Variants in MYO3B observed in about 807,000 individuals in gnomAD.
MYO3B encodes the protein myosin IIIB.
In MYO3B, 156 loss-of-function variants were observed where a neutral mutation model predicts 174.6. The ratio of observed to expected loss-of-function variants is 0.89; its 90% CI spans 0.78 to 1.02. The LOEUF is 1.02. Among genes scored for constraint, MYO3B ranks in the 50% least tolerant of loss-of-function variants. MYO3B has a pLI of 0.00. For synonymous variants in MYO3B, 563 were observed against 569.1 expected (o/e 0.99, Z 0.15); for missense variants, 1,632 against 1,639.4 (o/e 1.00, Z 0.08).
intron 8 of MYO3B, among the ~76,000 whole-genome samples, chr2:170,339,177 T>G (rs939652341): frequency 6.6e-6 from 1 of 152,220 alleles, no homozygotes; most frequent in Non-Finnish European, 1.5e-5. Context: ...TTGGAGGGAC[T>G]GGGCTGGAGA....
chr2:170,379,268 C>G (rs1415515410), intron 9 of MYO3B, among the ~76,000 whole-genome samples: 1 of 148,970 alleles, frequency 6.7e-6, no homozygotes, highest in African/African-American at 2.5e-5. Context: ...GATCTCGGCT[C>G]ACTGCAACCT....
intron 7 of MYO3B, among the ~76,000 whole-genome samples, chr2:170,316,566 T>C (rs959986730): frequency 6.6e-6 from 1 of 152,228 alleles, no homozygotes; most frequent in African/African-American, 2.4e-5. Flanking sequence ...ATTTTGGCAG[T>C]TTATTGCCTT....
intron 6 of MYO3B, among the ~76,000 whole-genome samples, chr2:170,218,939 C>T (rs1422600846): frequency 6.6e-6 from 1 of 152,116 alleles, no homozygotes; most frequent in Non-Finnish European, 1.5e-5. Flanking sequence ...ATATTCCAGC[C>T]CCTATCTATC....
intron 22 of MYO3B, among the ~76,000 whole-genome samples, chr2:170,442,869 A>G (rs1206466434): frequency 1.3e-5 from 2 of 152,184 alleles, no homozygotes; most frequent in South Asian, 2.1e-4. Flanking sequence ...TCCACGGTGT[A>G]TATGTGCCAC....
At chr2:170,275,622 T>C (rs1351146413) in intron 7 of MYO3B, among the ~76,000 whole-genome samples, 1 of 152,184 alleles carries the variant, frequency 6.6e-6, no homozygotes, top group Non-Finnish European at 1.5e-5. Context: ...GGAAGACTCA[T>C]TGTCAGAGCA....
At chr2:170,355,610 C>T (rs2094114246) in intron 8 of MYO3B, among the ~76,000 whole-genome samples, 1 of 152,222 alleles carries the variant, frequency 6.6e-6, no homozygotes, top group Non-Finnish European at 1.5e-5. Flanking sequence ...CAGTCTTATT[C>T]CTGCCCTTCC....
chr2:170,605,065 A>G (rs899803637), intron 32 of MYO3B, among the ~76,000 whole-genome samples: 6 of 152,132 alleles, frequency 3.9e-5, no homozygotes, highest in African/African-American at 1.4e-4. Flanking sequence ...TTTGGGTCCT[A>G]CCGCTCTCCT....
At chr2:170,575,436 G>GT (rs1257875786) in intron 32 of MYO3B, among the ~76,000 whole-genome samples, 1 of 152,016 alleles carries the variant, frequency 6.6e-6, no homozygotes. Context: ...CCATTGTAGG[G>GT]TAAAAAAAGC....
chr2:170,521,690 T>A (rs79668905), intron 30 of MYO3B, among the ~76,000 whole-genome samples: 2,942 of 152,162 alleles, frequency 0.019, 99 homozygotes, highest in African/African-American at 0.067. Context: ...CACTCTGCTA[T>A]CACTTTCCAT....
intron 25 of MYO3B, among the ~76,000 whole-genome samples, chr2:170,477,236 C>T (rs1685372636): frequency 6.6e-6 from 1 of 152,168 alleles, no homozygotes; most frequent in African/African-American, 2.4e-5. Flanking sequence ...AAAGCCTCTT[C>T]CTCTGGTGGT....
intron 7 of MYO3B, among the ~76,000 whole-genome samples, chr2:170,254,342 C>T (rs2093284433): frequency 6.6e-6 from 1 of 152,158 alleles, no homozygotes; most frequent in Admixed American, 6.5e-5. Flanking sequence ...AGACGCCCAC[C>T]CGCAAAGGCT....
Position 170,363,677 on chromosome 2 carries a change from A to C in MYO3B, c.816-5545A>C, listed in dbSNP as rs1388955280. Reference sequence around the variant, plus strand: ...ATCTTCAGCCAAGAAAGCATGATGGAAGGTACTAGAATTTCAAATTAGATA... The same window carrying C: ...ATCTTCAGCCAAGAAAGCATGATGGCAGGTACTAGAATTTCAAATTAGATA... On this transcript the variant is annotated intron_variant, in intron 8 of 34. Transcript: ENST00000408978. 4.6e-5 allele frequency among the ~76,000 whole-genome samples: 7 copies of C among 152,288 alleles called. No homozygotes were observed. The East Asian group carries it at 7.7e-4, about 17-fold the overall frequency.
intron 32 of MYO3B, among the ~76,000 whole-genome samples, chr2:170,630,310 C>A (rs189917863): frequency 6.6e-6 from 1 of 150,530 alleles, no homozygotes; most frequent in South Asian, 2.1e-4. Flanking sequence ...ATTGCTAGTC[C>A]GAGATCAAAT....
At chr2:170,418,351 G>T (rs550770418) in intron 22 of MYO3B, among the ~76,000 whole-genome samples, 1 of 152,302 alleles carries the variant, frequency 6.6e-6, no homozygotes, top group South Asian at 2.1e-4. Context: ...GAGTTAAAAT[G>T]CATCTTTTTA....
intron 1 of MYO3B, among the ~76,000 whole-genome samples, chr2:170,186,682 G>C (rs1053585982): frequency 1.3e-5 from 2 of 152,114 alleles, no homozygotes; most frequent in Non-Finnish European, 2.9e-5. Context: ...TTTCAGAATA[G>C]CTTGAGTAGG....
At chr2:170,209,052 G>A (rs553066072) in intron 3 of MYO3B, among the ~76,000 whole-genome samples, 26 of 152,272 alleles carry the variant, frequency 1.7e-4, no homozygotes, top group Admixed American at 4.6e-4. Context: ...CAGGTACTGC[G>A]TAGATAAGGC....
chr2:170,492,602 T>C (rs1298092473), intron 25 of MYO3B, among the ~76,000 whole-genome samples: 1 of 152,198 alleles, frequency 6.6e-6, no homozygotes, highest in East Asian at 1.9e-4. Flanking sequence ...TCCTCCATAA[T>C]TAAGTTGTCT....
intron 28 of MYO3B, among the ~76,000 whole-genome samples, chr2:170,502,817 C>T (rs1408279201): frequency 6.6e-6 from 1 of 152,234 alleles, no homozygotes; most frequent in Non-Finnish European, 1.5e-5. Context: ...CAGCTGCAAC[C>T]TCTTGAAAGA....
intron 7 of MYO3B, among the ~76,000 whole-genome samples, chr2:170,243,628 T>C (rs1271108010): frequency 6.6e-6 from 1 of 152,168 alleles, no homozygotes; most frequent in East Asian, 1.9e-4. Flanking sequence ...TGTAAATTGG[T>C]CAGAATATTT....
Sources: gnomAD v4.1 joint callset for allele counts (sites outside exome capture counted in the v4.1 genomes callset) on GRCh38, gnomAD v4.1.1 for gene constraint, MANE v1.5 for transcripts, NCBI Gene and HGNC (gene_info 2026-07-23, HGNC 2026-07-21) for gene names.